Variants in RASGRF2 observed in about 807,000 individuals in gnomAD.
RASGRF2 encodes the protein Ras protein specific guanine nucleotide releasing factor 2.
In RASGRF2, 76 loss-of-function variants were observed where a neutral mutation model predicts 151.0. The ratio of observed to expected loss-of-function variants is 0.50; its 90% CI spans 0.42 to 0.61. The LOEUF (loss-of-function observed/expected upper bound fraction) is 0.61. Among genes scored for constraint, RASGRF2 ranks in the 20% least tolerant of loss-of-function variants. The pLI is 0.00. For missense variants in RASGRF2, 1,148 were observed against 1,564.6 expected (o/e 0.73, Z 4.49); for synonymous variants, 504 against 566.5 (o/e 0.89, Z 1.57).
intron 1 of RASGRF2, among the ~76,000 whole-genome samples, chr5:80,963,659 G>T (rs1747633672): frequency 6.6e-6 from 1 of 152,170 alleles, no homozygotes; most frequent in Admixed American, 6.5e-5. Context: ...GAAAAGCCGA[G>T]GACAAGCAGG....
In RASGRF2 at chr5:81,101,742, ACTT is replaced by A. The variant is rs927016011; in HGVS notation, c.1755+6752_1755+6754del. Among the ~76,000 whole-genome samples, 12 of 151,952 alleles carry A rather than the reference ACTT, an allele frequency of 7.9e-5. 1 individual carries two copies. The highest frequency in any genetic ancestry group is 4.2e-4 in the South Asian group (2 of 4,814). Reference sequence around the variant, plus strand: ...ACATTTTTATATAATTTAAAATATGACTTCATTATATGGCCTTTTGACGTATGG... The same window carrying A: ...ACATTTTTATATAATTTAAAATATGACATTATATGGCCTTTTGACGTATGG... On this transcript the variant is annotated intron_variant, in intron 12 of 26. Transcript: ENST00000265080.
chr5:80,984,122 G>A (rs561526554), intron 1 of RASGRF2, among the ~76,000 whole-genome samples: 21 of 152,202 alleles, frequency 1.4e-4, no homozygotes, highest in African/African-American at 4.6e-4. Flanking sequence ...GTGTAGTGGC[G>A]TGACCTTGGC....
intron 15 of RASGRF2, among the ~76,000 whole-genome samples, chr5:81,115,301 G>C (rs978712046): frequency 6.6e-6 from 1 of 152,148 alleles, no homozygotes; most frequent in African/African-American, 2.4e-5. Context: ...TGACAAGTTA[G>C]CAACTAAGGA....
At chr5:81,093,227 G>A (rs866214737) in intron 10 of RASGRF2, among the ~76,000 whole-genome samples, 1 of 152,120 alleles carries the variant, frequency 6.6e-6, no homozygotes, top group Non-Finnish European at 1.5e-5. Context: ...ATACTGTACT[G>A]TATCTGTATA....
intron 9 of RASGRF2, 138 bp downstream of exon 9, chr5:81,087,091 G>A (rs763801608): frequency 1.1e-5 from 9 of 789,822 alleles, no homozygotes; most frequent in Non-Finnish European, 1.5e-5. Context: ...TCGCCGAGGC[G>A]GTGGTTGAGG....
intron 18 of RASGRF2, among the ~76,000 whole-genome samples, chr5:81,193,125 A>T (rs979853842): frequency 3.9e-5 from 6 of 152,276 alleles, no homozygotes; most frequent in Non-Finnish European, 8.8e-5. Context: ...TACTCTCATA[A>T]TTCTCTTTAG....
intron 1 of RASGRF2, among the ~76,000 whole-genome samples, chr5:80,971,689 C>A (rs1453450675): frequency 1.3e-5 from 2 of 151,946 alleles, no homozygotes; most frequent in Admixed American, 6.5e-5. Context: ...TCTCAGCCCC[C>A]CAAGTAGCTG....
At chr5:81,031,973 C>A (rs940572257) in intron 1 of RASGRF2, among the ~76,000 whole-genome samples, 1 of 151,968 alleles carries the variant, frequency 6.6e-6, no homozygotes, top group Non-Finnish European at 1.5e-5. Context: ...GGGATATCAC[C>A]ACCGATCCCA....
intron 17 of RASGRF2, among the ~76,000 whole-genome samples, chr5:81,138,879 A>G (rs1170984614): frequency 1.3e-5 from 2 of 151,752 alleles, no homozygotes; most frequent in African/African-American, 4.9e-5. Flanking sequence ...TGTATTATGG[A>G]TGGATATGGT....
intron 12 of RASGRF2, 88 bp downstream of exon 12, chr5:81,095,080 A>G: frequency 9.6e-7 from 1 of 1,042,822 alleles, no homozygotes; most frequent in Non-Finnish European, 1.3e-6. Context: ...TTTTATCTTT[A>G]TTAAAAAATT....
intron 1 of RASGRF2, chr5:80,998,072 G>T (rs914744879): frequency 2.0e-5 from 3 of 152,116 alleles, no homozygotes; most frequent in African/African-American, 7.2e-5. Flanking sequence ...AGGAACACAG[G>T]GTAGGAACTG....
intron 1 of RASGRF2, among the ~76,000 whole-genome samples, chr5:81,001,121 C>A (rs537195736): frequency 6.6e-6 from 1 of 152,320 alleles, no homozygotes; most frequent in African/African-American, 2.4e-5. Context: ...ATATTTGGAT[C>A]CTACAGAGAT....
chr5:80,996,522 C>T (rs1463865895), intron 1 of RASGRF2, among the ~76,000 whole-genome samples: 23 of 33,708 alleles, frequency 6.8e-4, no homozygotes, highest in Non-Finnish European at 1.1e-3. Context: ...TCCTCCTCCC[C>T]CTCCTCCTCC....
At chr5:80,961,549 C>T (rs371976217) in intron 1 of RASGRF2, among the ~76,000 whole-genome samples, 27 of 152,316 alleles carry the variant, frequency 1.8e-4, no homozygotes, top group African/African-American at 5.3e-4. Context: ...CATTTTCAAT[C>T]AGTCTTTGTG....
chr5:81,018,993 T>G (rs1749737646), intron 1 of RASGRF2, among the ~76,000 whole-genome samples: 1 of 150,702 alleles, frequency 6.6e-6, no homozygotes, highest in South Asian at 2.1e-4. Context: ...AGAGATAGGG[T>G]TTCGCCTTGT....
At chr5:81,091,145 C>T (rs1752377156) in intron 9 of RASGRF2, among the ~76,000 whole-genome samples, 1 of 152,218 alleles carries the variant, frequency 6.6e-6, no homozygotes, top group South Asian at 2.1e-4. Context: ...ACCTCAGTTT[C>T]CCCATCTGTG....
At chr5:81,217,088 T>G in intron 24 of RASGRF2, 3 of 458,976 alleles carry the variant, frequency 6.5e-6, no homozygotes, top group Non-Finnish European at 1.2e-5. Context: ...AGCAAATGCT[T>G]TGTATTTGTC....
intron 17 of RASGRF2, among the ~76,000 whole-genome samples, chr5:81,164,806 C>T (rs1003525671): frequency 1.7e-4 from 26 of 152,140 alleles, no homozygotes; most frequent in African/African-American, 6.3e-4. Flanking sequence ...GATGAAATTC[C>T]TCTATAGGAG....
intron 12 of RASGRF2, among the ~76,000 whole-genome samples, chr5:81,102,270 A>C (rs546325892): frequency 6.6e-6 from 1 of 152,380 alleles, no homozygotes; most frequent in South Asian, 2.1e-4. Context: ...TTCTCTATTT[A>C]AAGTCTGGGC....
Sources: allele counts gnomAD v4.1 joint callset (sites outside exome capture counted in the v4.1 genomes callset), GRCh38; gene constraint gnomAD v4.1.1; transcripts MANE v1.5; gene names NCBI Gene and HGNC (gene_info 2026-07-23, HGNC 2026-07-21).